MAP3K1: variants seen among roughly 807,000 people sequenced by gnomAD.
The protein encoded by MAP3K1 is MAP/ERK kinase kinase 1.
MAP3K1 carries 36 observed loss-of-function variants against 144.2 expected under a neutral mutation model. The observed-to-expected ratio is 0.25, with a 90% CI of 0.19 to 0.33. The LOEUF (loss-of-function observed/expected upper bound fraction) is 0.33, where lower values mean the gene tolerates loss of function less well. Ranked by LOEUF, MAP3K1 falls within the 10% of genes least tolerant of loss-of-function variation. MAP3K1 has a pLI of 1.00. For missense variants in MAP3K1, 1,650 were observed against 1,881.9 expected (o/e 0.88, Z 2.28); for synonymous variants, 718 against 688.7 (o/e 1.04, Z -0.67).
chr5:56,816,423 G>C (rs1745970871), intron 1 of MAP3K1, among the ~76,000 whole-genome samples: 1 of 151,948 alleles, frequency 6.6e-6, no homozygotes, highest in African/African-American at 2.4e-5. Context: ...CTGCGGCGGC[G>C]CCCCCGGACG....
chr5:56,851,406 AGCATGTACACTTG>A (rs1434192363), intron 1 of MAP3K1, among the ~76,000 whole-genome samples: 13 of 152,168 alleles, frequency 8.5e-5, no homozygotes, highest in Non-Finnish European at 1.8e-4. Context: ...CCTCCATTGC[AGCATGTACACTTG>A]GCCCGTGGAG....
chr5:56,885,848 CA>C, intron 16 of MAP3K1, 83 bp from the exon 17 acceptor site: 1 of 1,086,672 alleles, frequency 9.2e-7, no homozygotes, highest in Non-Finnish European at 1.4e-6. Context: ...TGAGTTCATG[CA>C]GTGAAAACTT....
chr5:56,867,158 G>A (rs1747700542), intron 6 of MAP3K1, among the ~76,000 whole-genome samples: 1 of 152,106 alleles, frequency 6.6e-6, no homozygotes, highest in Non-Finnish European at 1.5e-5. Context: ...TGACATTTCT[G>A]TAACTTTTTA....
At chr5:56,830,304 T>C (rs1746447409) in intron 1 of MAP3K1, among the ~76,000 whole-genome samples, 1 of 152,242 alleles carries the variant, frequency 6.6e-6, no homozygotes, top group Non-Finnish European at 1.5e-5. Flanking sequence ...ATTTCTTATC[T>C]GAGTAGAAGA....
At chr5:56,844,961 C>T (rs1746945813) in intron 1 of MAP3K1, among the ~76,000 whole-genome samples, 1 of 152,198 alleles carries the variant, frequency 6.6e-6, no homozygotes, top group Non-Finnish European at 1.5e-5. Flanking sequence ...ATAGTACTAG[C>T]TGTTCTGTAG....
chr5:56,894,487 C>T lies in MAP3K1; in HGVS notation c.*807C>T, dbSNP rs1748646432. On this transcript the variant is annotated 3_prime_UTR_variant, in exon 20 of 20. Coordinates refer to ENST00000399503, the MANE Select transcript of MAP3K1 (RefSeq NM_005921.2). ...AAATTGGAATACAATAAAGTACTAC[C>T]TACATTTGAGTCAGTCACCACTCTT... is the stretch of plus-strand genomic sequence containing the variant. 4.3e-6 allele frequency: 1 copy of T among 232,292 alleles called. No homozygotes were observed. Among genetic ancestry groups the T allele is most frequent in the Non-Finnish European group, 8.5e-6 (1 of 117,646 alleles). 14.4% of individuals were successfully genotyped at this position (232,292 alleles called of 1,614,324 possible).
intron 12 of MAP3K1, 131 bp downstream of exon 12, chr5:56,880,933 T>TTACA: frequency 9.6e-7 from 1 of 1,043,200 alleles, no homozygotes; most frequent in Non-Finnish European, 1.4e-6. Flanking sequence ...ATTCACTGTG[T>TTACA]TACAGTTAGA....
chr5:56,824,842 T>C (rs1561162570), intron 1 of MAP3K1, among the ~76,000 whole-genome samples: 2 of 152,224 alleles, frequency 1.3e-5, no homozygotes, highest in East Asian at 1.9e-4. Context: ...TTTTTTGTTA[T>C]TGTTGACCTG....
Position 56,815,611 on chromosome 5 carries a change from G to C in MAP3K1, c.38G>C (p.Gly13Ala). The C allele has an allele frequency of 2.3e-6, 3 of 1,314,152 alleles. No individual in the cohort carries two copies. Among genetic ancestry groups the C allele is most frequent in the South Asian group, 4.1e-5 (2 of 48,198 alleles). 81.4% of individuals were successfully genotyped at this position (1,314,152 alleles called of 1,614,324 possible). A position where few individuals can be genotyped will look rare whatever the true frequency, so the allele number is the denominator to read the frequency against. Residue 13 changes from glycine (G) to alanine (A), a missense_variant, in exon 1 of 20, where the codon GGA (glycine) becomes GCA (alanine). Physicochemically the swap from Gly to Ala is moderately conservative, Grantham distance 60. This residue lies in a region of MAP3K1 where 360 missense variants were observed against 274.7 expected (regional missense o/e 1.31). Transcript: ENST00000399503. ...AAAGNRASSS[G>A]FPGARATSPE... The stretch of plus-strand genomic sequence containing the variant: ...GCGGGGAATCGCGCCTCGTCGTCGG[G>C]ATTCCCGGGCGCCAGGGCTACGAGC...
Position 56,881,623 on chromosome 5 carries a change from C to G in MAP3K1, c.2423C>G (p.Ser808Cys), listed in dbSNP as rs774882600. The G allele has an allele frequency of 3.1e-6, 5 of 1,613,882 alleles. No individual in the cohort carries two copies. The highest frequency in any genetic ancestry group is 4.2e-6 in the Non-Finnish European group (5 of 1,179,894). ...TTTGCTTTGCAGTCCATTGATAATT[C>G]CCACTCAATGGTTGGCAAACTTTCC... Reference protein sequence around the residue: ...LTFALQSIDNSHSMVGKLSRR... With the variant: ...LTFALQSIDNCHSMVGKLSRR... The change falls in exon 14 of 20, where the codon TCC becomes TGC. Residue 808 changes from serine to cysteine, a missense_variant. Around this residue, in one of 6 missense-constraint regions of MAP3K1, gnomAD observed 841 missense variants for 886.5 expected, o/e 0.95. Coordinates refer to ENST00000399503, the MANE Select transcript of MAP3K1 (RefSeq NM_005921.2).
intron 1 of MAP3K1, among the ~76,000 whole-genome samples, chr5:56,854,815 C>A (rs1240321444): frequency 2.0e-5 from 3 of 152,196 alleles, no homozygotes; most frequent in Non-Finnish European, 4.4e-5. Context: ...TATCAAGCAC[C>A]TTGGTCTAGG....
Position 56,820,873 on chromosome 5 carries a change from G to T in MAP3K1, c.482+4818G>T, listed in dbSNP as rs899913013. ...CCGTGTTAAGTGCTATAAGAGAGAT[G>T]GGGATACAGAGGGGATACAACATAT... On this transcript the variant is annotated intron_variant, in intron 1 of 19. Transcript: ENST00000399503. 5.0e-6 allele frequency: 4 copies of T among 799,754 alleles called. No individual in the cohort carries two copies. In the African/African-American group the frequency reaches 7.5e-5, roughly 15 times the overall value. 49.5% of individuals were successfully genotyped at this position (799,754 alleles called of 1,614,324 possible). A position where few individuals can be genotyped will look rare whatever the true frequency, so the allele number is the denominator to read the frequency against.
intron 1 of MAP3K1, among the ~76,000 whole-genome samples, chr5:56,837,893 G>C (rs543654418): frequency 6.6e-5 from 10 of 152,318 alleles, no homozygotes; most frequent in Admixed American, 2.0e-4. Flanking sequence ...CGTGGCCAGT[G>C]GGGGAGGCTG....
At chr5:56,847,297 T>C (rs1466887976) in intron 1 of MAP3K1, among the ~76,000 whole-genome samples, 1 of 152,190 alleles carries the variant, frequency 6.6e-6, no homozygotes, top group Non-Finnish European at 1.5e-5. Flanking sequence ...TATGTTAGTT[T>C]AAAAGTAAAA....
chr5:56,856,862 T>G, intron 2 of MAP3K1, 112 bp downstream of exon 2: 1 of 1,127,360 alleles, frequency 8.9e-7, no homozygotes, highest in Non-Finnish European at 1.3e-6. Flanking sequence ...AATGTAGTAG[T>G]TTTCTTTACT....
At chr5:56,866,968 T>TA (rs1747693230) in intron 6 of MAP3K1, among the ~76,000 whole-genome samples, 1 of 152,174 alleles carries the variant, frequency 6.6e-6, no homozygotes, top group African/African-American at 2.4e-5. Flanking sequence ...AGGAAAGGTA[T>TA]AGCCAGAACC....
chr5:56,848,437 C>T (rs2111837386), intron 1 of MAP3K1, among the ~76,000 whole-genome samples: 1 of 152,252 alleles, frequency 6.6e-6, no homozygotes, highest in South Asian at 2.1e-4. Flanking sequence ...ATCAGCTACT[C>T]TGACTCTGAA....
rs529152149 is a variant in MAP3K1 at position 56,859,441 on chromosome 5, C to G, written c.634-274C>G. Among the ~76,000 whole-genome samples the G allele has an allele frequency of 3.9e-5, 6 of 152,048 alleles. No individual in the cohort carries two copies. The South Asian group carries it at 1.2e-3, about 32-fold the overall frequency. ...TTAGGGTATATAATAACAAATAATA[C>G]CATTTCTACAGTTTTGTATGCATTA... On this transcript the variant is annotated intron_variant, in intron 2 of 19. Coordinates refer to ENST00000399503, the MANE Select transcript of MAP3K1 (RefSeq NM_005921.2).
At chr5:56,849,651 T>C (rs895426933) in intron 1 of MAP3K1, among the ~76,000 whole-genome samples, 1 of 152,232 alleles carries the variant, frequency 6.6e-6, no homozygotes, top group Non-Finnish European at 1.5e-5. Flanking sequence ...TATTTAATCT[T>C]CCTTGCTTAG....
Sources: gnomAD v4.1 joint callset for allele counts (sites outside exome capture counted in the v4.1 genomes callset) on GRCh38, gnomAD v4.1.1 for gene constraint, gnomAD v4.1.1 regional missense constraint, MANE v1.5 for transcripts, NCBI Gene and HGNC (gene_info 2026-07-23, HGNC 2026-07-21) for gene names.